Variants in PPP5C observed in about 807,000 individuals in gnomAD.
PPP5C encodes protein phosphatase 5 catalytic subunit.
A neutral mutation model predicts 66.7 loss-of-function variants in PPP5C; 21 were observed. That is an observed-to-expected ratio of 0.31 (90% CI 0.22 to 0.45). The LOEUF is 0.45. PPP5C is among the 20% of genes least tolerant of loss of function. The probability of loss-of-function intolerance (pLI) is 1.00; values close to 1 mark genes in which losing one functional copy is unlikely to be tolerated. For synonymous variants in PPP5C, 246 were observed against 257.4 expected (o/e 0.96, Z 0.43); for missense variants, 464 against 675.9 (o/e 0.69, Z 3.48).
At chr19:46,373,642 T>C (rs965100849) in intron 2 of PPP5C, among the ~76,000 whole-genome samples, 17 of 152,074 alleles carry the variant, frequency 1.1e-4, no homozygotes, top group South Asian at 2.1e-4. Flanking sequence ...TTCATTTCTT[T>C]GGAGAAAGGG....
At chr19:46,369,005 G>A (rs1972537226) in intron 2 of PPP5C, among the ~76,000 whole-genome samples, 2 of 152,210 alleles carry the variant, frequency 1.3e-5, no homozygotes, top group Admixed American at 6.5e-5. Context: ...ATTGGACCTA[G>A]TGAGCATGAA....
intron 2 of PPP5C, among the ~76,000 whole-genome samples, chr19:46,374,054 A>G (rs1232165410): frequency 6.6e-6 from 1 of 152,096 alleles, no homozygotes; most frequent in Non-Finnish European, 1.5e-5. Context: ...ACCACTCCTC[A>G]TTGGGAAGGA....
At chr19:46,377,243 G>A (rs975010554) in intron 4 of PPP5C, among the ~76,000 whole-genome samples, 2 of 152,172 alleles carry the variant, frequency 1.3e-5, no homozygotes, top group Non-Finnish European at 2.9e-5. Context: ...AAGTGGCCTG[G>A]GTTCAAATCT....
chr19:46,381,244 T>C (rs948625178), intron 4 of PPP5C, among the ~76,000 whole-genome samples: 1 of 152,250 alleles, frequency 6.6e-6, no homozygotes, highest in African/African-American at 2.4e-5. Flanking sequence ...TCTCATGTGT[T>C]CATGCATGTT....
At chr19:46,359,530 C>T (rs144644156) in intron 2 of PPP5C, among the ~76,000 whole-genome samples, 227 of 152,190 alleles carry the variant, frequency 1.5e-3, no homozygotes, top group African/African-American at 5.1e-3. Context: ...AAACTGTAGG[C>T]AAGTAATAAA....
chr19:46,350,257 A>G (rs1972160210), intron 1 of PPP5C, among the ~76,000 whole-genome samples: 1 of 152,168 alleles, frequency 6.6e-6, no homozygotes, highest in South Asian at 2.1e-4. Flanking sequence ...GACTTGGCAG[A>G]ATAAGTGAAG....
rs549868112 is a variant in PPP5C, at chr19:46,364,968, C to T, written c.364-10636C>T. Among the ~76,000 whole-genome samples the T allele has an allele frequency of 2.0e-5, 3 of 152,172 alleles. No homozygotes were observed. The East Asian group carries it at 5.8e-4, about 29-fold the overall frequency. ...TAAGGCAAAGCTCAGTTTCAATGAG[C>T]AGTTTCCTATAATTTTATTTATTTA... On this transcript the variant is annotated intron_variant, in intron 2 of 12. Transcript: ENST00000012443.
chr19:46,360,504 T>TTTTTTTC (rs1360240331), intron 2 of PPP5C, among the ~76,000 whole-genome samples: 1 of 152,018 alleles, frequency 6.6e-6, no homozygotes, highest in Non-Finnish European at 1.5e-5. Flanking sequence ...TTTCTTTTTT[T>TTTTTTTC]TTTTTTCTTT....
Position 46,388,708 on chromosome 19 carries a change from C to T in PPP5C, c.1332C>T (p.Thr444=), listed in dbSNP as rs756942791. Residue 444 remains threonine, a synonymous_variant, in exon 11 of 13, where the codon ACC becomes ACT. Transcript: ENST00000012443. The surrounding 1 kb of genome is among the most constrained non-coding windows in gnomAD (Gnocchi z 4.9). ...YEVAHGGRCV[T]VFSAPNYCDQ... is the part of the protein sequence containing the mutation. Reference sequence around the variant, plus strand: ...TGGCTCACGGAGGCCGCTGTGTCACCGTCTTCTCTGCCCCCAACTACTGGT... The same window carrying T: ...TGGCTCACGGAGGCCGCTGTGTCACTGTCTTCTCTGCCCCCAACTACTGGT... The T allele has an allele frequency of 8.7e-6, 14 of 1,614,032 alleles. No individual in the cohort carries two copies. Among genetic ancestry groups the T allele is most frequent in the Middle Eastern group, 1.6e-4 (1 of 6,084 alleles).
At position 46,390,037 on chromosome 19, in the gene PPP5C, T is replaced by G; in HGVS notation, c.1356-14T>G. The G allele has an allele frequency of 6.2e-7, 1 of 1,613,566 alleles. No individual in the cohort carries two copies. The highest frequency in any genetic ancestry group is 1.1e-5 in the South Asian group (1 of 91,070). ...GCCCTGACCACACTGTCCACTCTGC[T>G]CCTGTCCCTGCAGCGACCAGATGGG... On this transcript the variant is annotated splice_polypyrimidine_tract_variant and intron_variant, in intron 11 of 12. Transcript: ENST00000012443.
chr19:46,375,094 G>C (rs1972668417), intron 2 of PPP5C, among the ~76,000 whole-genome samples: 1 of 152,204 alleles, frequency 6.6e-6, no homozygotes, highest in South Asian at 2.1e-4. Context: ...CCACAGCCCT[G>C]GCAGGGGAGC....
At position 46,383,195 on chromosome 19, in the gene PPP5C, T is replaced by A; in HGVS notation, c.634-216T>A. ...AGAATCAGGTTTTCGTACAAAACAATCGCAATGCTTCGGCACTGCACAGGC... is the reference window on the plus strand; with the variant it reads ...AGAATCAGGTTTTCGTACAAAACAAACGCAATGCTTCGGCACTGCACAGGC... On this transcript the variant is annotated intron_variant, in intron 4 of 12. Coordinates refer to ENST00000012443, the MANE Select transcript of PPP5C (RefSeq NM_006247.4). This position sits in a 1 kb window ranked among gnomAD's most constrained non-coding sequence, Gnocchi z 5.0. 2 of 1,506,452 alleles carry A rather than the reference T, an allele frequency of 1.3e-6. No homozygotes were observed. The highest frequency in any genetic ancestry group is 2.4e-5 in the South Asian group (2 of 81,766). The allele number at this position is 1,506,452 out of a possible 1,614,324, so 93.3% of individuals were successfully genotyped here.
In PPP5C at chr19:46,390,447, G is replaced by C. The variant is rs1972998647; in HGVS notation, c.*101G>C. ...CAGGCCCCGCCCCAGGGCAATGTTG[G>C]ACCCCCTTTTACTTTGTAAAGTTTG... On this transcript the variant is annotated 3_prime_UTR_variant, in exon 13 of 13. Coordinates refer to ENST00000012443, the MANE Select transcript of PPP5C (RefSeq NM_006247.4). The C allele has an allele frequency of 1.3e-6, 2 of 1,535,950 alleles. No homozygotes were observed. Among genetic ancestry groups the C allele is most frequent in the Non-Finnish European group, 1.8e-6 (2 of 1,140,062 alleles).
intron 4 of PPP5C, chr19:46,382,971 G>A: frequency 9.3e-7 from 1 of 1,074,572 alleles, no homozygotes; most frequent in Non-Finnish European, 1.1e-6. Context: ...AAAAAATTCA[G>A]CGTCCGTTGA....
At position 46,383,769 on chromosome 19, in the gene PPP5C, T is replaced by C. The variant is rs1420234232; in HGVS notation, c.700-11T>C. 2.5e-6 allele frequency: 4 copies of C among 1,608,026 alleles called. No individual in the cohort carries two copies. The African/African-American group carries it at 5.4e-5, about 22-fold the overall frequency. ...CGGCCCGTCCCTCTCCGGTGGCCTC[T>C]TTTCTTTCAGACAGAGAAGATTACA... On this transcript the variant is annotated splice_polypyrimidine_tract_variant and intron_variant, in intron 5 of 12. Coordinates refer to ENST00000012443, the MANE Select transcript of PPP5C (RefSeq NM_006247.4). The surrounding 1 kb of genome is among the most constrained non-coding windows in gnomAD (Gnocchi z 5.0).
Position 46,388,093 on chromosome 19 carries a change from G to T in PPP5C, c.1136-315G>T. ...GCCCCAGTGAGGAACTTTGTTCCTA[G>T]GGCAGTGCGGAGCCACCAAAGGCTT... On this transcript the variant is annotated intron_variant, in intron 9 of 12. Coordinates refer to ENST00000012443, the MANE Select transcript of PPP5C (RefSeq NM_006247.4). The surrounding 1 kb of genome is among the most constrained non-coding windows in gnomAD (Gnocchi z 4.9). The T allele has an allele frequency of 2.7e-6, 1 of 367,116 alleles. No homozygotes were observed. Among genetic ancestry groups the T allele is most frequent in the Non-Finnish European group, 5.0e-6 (1 of 200,762 alleles). 22.7% of individuals were successfully genotyped at this position (367,116 alleles called of 1,614,324 possible).
chr19:46,387,035 T>C, intron 7 of PPP5C, 58 bp from the exon 8 acceptor site: 2 of 1,612,878 alleles, frequency 1.2e-6, no homozygotes, highest in Non-Finnish European at 1.7e-6. Context: ...GGTGCCAGGC[T>C]GGAGGACACT....
intron 1 of PPP5C, among the ~76,000 whole-genome samples, chr19:46,350,836 T>A (rs186634179): frequency 6.6e-6 from 1 of 152,208 alleles, no homozygotes. Flanking sequence ...GGCTCCCACG[T>A]TCAGGTTCCT....
At chr19:46,373,689 A>G (rs1972636448) in intron 2 of PPP5C, among the ~76,000 whole-genome samples, 1 of 152,100 alleles carries the variant, frequency 6.6e-6, no homozygotes, top group Admixed American at 6.5e-5. Flanking sequence ...ACGCACAGCT[A>G]TGGCTGAGCC....
Sources: gnomAD v4.1 joint callset for allele counts (sites outside exome capture counted in the v4.1 genomes callset) on GRCh38, gnomAD v4.1.1 for gene constraint, Gnocchi (gnomAD v3.1) non-coding constraint, MANE v1.5 for transcripts, NCBI Gene and HGNC (gene_info 2026-07-23, HGNC 2026-07-21) for gene names.